ABHD17B: variants seen among roughly 807,000 people sequenced by gnomAD.
ABHD17B encodes the protein alpha/beta hydrolase domain-containing protein 17B.
In ABHD17B, 9 loss-of-function variants were observed where a neutral mutation model predicts 26.2. The observed-to-expected ratio is 0.34, with a 90% CI of 0.21 to 0.60. The LOEUF is 0.60. Among genes scored for constraint, ABHD17B ranks in the 20% least tolerant of loss-of-function variants. The pLI is 0.80. For missense variants in ABHD17B, 224 were observed against 352.1 expected, an observed-to-expected ratio of 0.64 and a Z score of 2.91; for synonymous variants, 127 against 122.3, an observed-to-expected ratio of 1.04 and a Z score of -0.25.
intron 1 of ABHD17B, among the ~76,000 whole-genome samples, chr9:71,908,315 C>T (rs1827344519): frequency 6.6e-6 from 1 of 151,338 alleles, no homozygotes; most frequent in Admixed American, 6.6e-5. Flanking sequence ...TCACTTGAAC[C>T]CGGGAAGCAG....
chr9:71,865,269 G>A lies in ABHD17B; in HGVS notation c.*1518C>T, dbSNP rs1254986304. 12 of 985,482 alleles carry A rather than the reference G, an allele frequency of 1.2e-5. No homozygotes were observed. Among genetic ancestry groups the A allele is most frequent in the Middle Eastern group, 5.2e-4 (1 of 1,914 alleles). 61.0% of individuals were successfully genotyped at this position (985,482 alleles called of 1,614,324 possible). A position where few individuals can be genotyped will look rare whatever the true frequency, so the allele number is the denominator to read the frequency against. On this transcript the variant is annotated 3_prime_UTR_variant, in exon 4 of 4. Coordinates refer to ENST00000333421, the MANE Select transcript of ABHD17B (RefSeq NM_001025780.3). ...ATAGTCTTAAACATAACCACGGAAC[G>A]AGCAGAACAATTAAAACTACATAAG... is the stretch of plus-strand genomic sequence containing the variant.
chr9:71,887,479 G>C (rs1826644998), intron 1 of ABHD17B, among the ~76,000 whole-genome samples: 1 of 152,108 alleles, frequency 6.6e-6, no homozygotes, highest in Non-Finnish European at 1.5e-5. Flanking sequence ...TCTTGATACT[G>C]CTAGACACTG....
chr9:71,876,753 A>C (rs1826289882), intron 1 of ABHD17B, among the ~76,000 whole-genome samples: 1 of 152,206 alleles, frequency 6.6e-6, no homozygotes, highest in Non-Finnish European at 1.5e-5. Context: ...TACAGAATCA[A>C]ATATATCCTA....
chr9:71,877,373 C>T (rs570290675), intron 1 of ABHD17B, among the ~76,000 whole-genome samples: 22 of 152,190 alleles, frequency 1.4e-4, no homozygotes, highest in Non-Finnish European at 2.4e-4. Flanking sequence ...GTAAATGGTA[C>T]GTATCTAGAC....
intron 1 of ABHD17B, among the ~76,000 whole-genome samples, chr9:71,897,064 G>C (rs977145902): frequency 8.5e-5 from 13 of 152,200 alleles, no homozygotes; most frequent in African/African-American, 3.1e-4. Flanking sequence ...AGAATTTTAG[G>C]TGCCAACTAA....
chr9:71,898,470 A>G (rs988958569), intron 1 of ABHD17B, among the ~76,000 whole-genome samples: 16 of 119,962 alleles, frequency 1.3e-4, no homozygotes, highest in Admixed American at 8.1e-5. Flanking sequence ...CATCTCTACT[A>G]AAAAAAAAAA....
At chr9:71,891,032 C>A (rs142704723) in intron 1 of ABHD17B, among the ~76,000 whole-genome samples, 4 of 152,104 alleles carry the variant, frequency 2.6e-5, no homozygotes, top group East Asian at 1.9e-4. Context: ...CCAAGCACTA[C>A]CCCCCACCCC....
At chr9:71,889,067 A>C (rs1001175688) in intron 1 of ABHD17B, among the ~76,000 whole-genome samples, 4 of 151,964 alleles carry the variant, frequency 2.6e-5, no homozygotes, top group African/African-American at 9.7e-5. Flanking sequence ...CTGTAATCAC[A>C]GCACTTTGGG....
At chr9:71,870,976 T>C (rs973105881) in intron 2 of ABHD17B, among the ~76,000 whole-genome samples, 1 of 152,196 alleles carries the variant, frequency 6.6e-6, no homozygotes, top group African/African-American at 2.4e-5. Flanking sequence ...ACTCATTGAC[T>C]CAATAAATAT....
intron 1 of ABHD17B, among the ~76,000 whole-genome samples, chr9:71,898,744 T>C (rs1827041197): frequency 6.6e-6 from 1 of 152,052 alleles, no homozygotes; most frequent in Non-Finnish European, 1.5e-5. Flanking sequence ...CCACCTGCAA[T>C]CCCAGCACTT....
In ABHD17B at chr9:71,866,980, G is replaced by C. The variant is rs1825973742; in HGVS notation, c.674C>G (p.Ser225Cys). 1.9e-6 allele frequency: 3 copies of C among 1,613,962 alleles called. No individual in the cohort carries two copies. Among genetic ancestry groups the C allele is most frequent in the Non-Finnish European group, 2.5e-6 (3 of 1,180,000 alleles). The change falls in exon 4 of 4, where the codon TCT becomes TGT. Residue 225 changes from serine (S) to cysteine (C), a missense_variant. Physicochemically the swap from Ser to Cys is moderately radical, Grantham distance 112 (BLOSUM62 -1). Coordinates refer to ENST00000333421, the MANE Select transcript of ABHD17B (RefSeq NM_001025780.3). Reference protein sequence around the residue: ...PNIDKISKITSPVLIIHGTED... With the variant: ...PNIDKISKITCPVLIIHGTED... ...AGTCCCATGAATTATTAATACTGGA[G>C]AGGTTATCTTAGAGATTTTGTCAAT... is the stretch of plus-strand genomic sequence containing the variant.
At chr9:71,892,784 T>A (rs1179573914) in intron 1 of ABHD17B, among the ~76,000 whole-genome samples, 1 of 16,570 alleles carries the variant, frequency 6.0e-5, no homozygotes, top group Non-Finnish European at 1.4e-3. Flanking sequence ...AATAATGTTG[T>A]GTTTTTTAAA....
At chr9:71,881,328 C>A (rs961693694) in intron 1 of ABHD17B, among the ~76,000 whole-genome samples, 1 of 152,206 alleles carries the variant, frequency 6.6e-6, no homozygotes, top group South Asian at 2.1e-4. Context: ...ACACCATATA[C>A]AAAAATCAAC....
intron 1 of ABHD17B, among the ~76,000 whole-genome samples, chr9:71,901,142 ACT>A (rs1554703259): frequency 6.6e-6 from 1 of 151,426 alleles, no homozygotes; most frequent in Non-Finnish European, 1.5e-5. Context: ...ACAGAGCGAG[ACT>A]CTGTCTCAAA....
chr9:71,881,288 T>G (rs1826434149), intron 1 of ABHD17B, among the ~76,000 whole-genome samples: 1 of 152,134 alleles, frequency 6.6e-6, no homozygotes, highest in South Asian at 2.1e-4. Context: ...AATATCCACA[T>G]GCAAAAGAAT....
chr9:71,871,191 T>C (rs1826101635), intron 2 of ABHD17B, among the ~76,000 whole-genome samples: 1 of 152,204 alleles, frequency 6.6e-6, no homozygotes, highest in Non-Finnish European at 1.5e-5. Context: ...ACAGCTGCTT[T>C]TGGAAATCTT....
At chr9:71,880,953 CT>C (rs1322662844) in intron 1 of ABHD17B, among the ~76,000 whole-genome samples, 6 of 151,726 alleles carry the variant, frequency 4.0e-5, no homozygotes, top group African/African-American at 1.4e-4. Flanking sequence ...AAAAATAAAA[CT>C]AAGAAAAAAG....
intron 1 of ABHD17B, among the ~76,000 whole-genome samples, chr9:71,908,353 T>C (rs1449889224): frequency 6.9e-6 from 1 of 145,470 alleles, no homozygotes; most frequent in African/African-American, 2.6e-5. Context: ...GATCGCGCCA[T>C]TGCACGCCAG....
intron 1 of ABHD17B, among the ~76,000 whole-genome samples, chr9:71,895,825 C>T (rs1414125942): frequency 6.6e-6 from 1 of 152,090 alleles, no homozygotes; most frequent in Non-Finnish European, 1.5e-5. Flanking sequence ...GTGCCAACAG[C>T]TTGGGGTCAA....
Sources: allele counts gnomAD v4.1 joint callset (sites outside exome capture counted in the v4.1 genomes callset), GRCh38; gene constraint gnomAD v4.1.1; transcripts MANE v1.5; gene names NCBI Gene and HGNC (gene_info 2026-07-23, HGNC 2026-07-21).